Variants in MICAL2 observed in about 807,000 individuals in gnomAD.
The protein encoded by MICAL2 is [F-actin]-monooxygenase MICAL2.
A neutral mutation model predicts 127.3 loss-of-function variants in MICAL2; 77 were observed. The ratio of observed to expected loss-of-function variants is 0.60; its 90% CI spans 0.50 to 0.73. MICAL2 has a LOEUF of 0.73. Among genes scored for constraint, MICAL2 ranks in the 30% least tolerant of loss-of-function variants. MICAL2 has a pLI of 0.00. For missense variants in MICAL2, 1,351 were observed against 1,434.4 expected, an observed-to-expected ratio of 0.94 and a Z score of 0.94; for synonymous variants, 570 against 551.1, an observed-to-expected ratio of 1.03 and a Z score of -0.48.
intron 3 of MICAL2, among the ~76,000 whole-genome samples, chr11:12,192,638 T>G (rs978353525): frequency 5.9e-5 from 9 of 151,762 alleles, no homozygotes; most frequent in African/African-American, 2.2e-4. Flanking sequence ...ATTACCCAGG[T>G]GCGATGATGG....
chr11:12,140,444 C>A (rs1041427252), intron 2 of MICAL2, among the ~76,000 whole-genome samples: 1 of 151,938 alleles, frequency 6.6e-6, no homozygotes, highest in Non-Finnish European at 1.5e-5. Context: ...CTCTGGAGGG[C>A]CTGAGACCTA....
chr11:12,129,715 T>TTTA (rs1475945739), intron 1 of MICAL2, among the ~76,000 whole-genome samples: 1 of 150,724 alleles, frequency 6.6e-6, no homozygotes, highest in East Asian at 2.0e-4. Context: ...TTATGATTCA[T>TTTA]TTATTTATAT....
intron 3 of MICAL2, among the ~76,000 whole-genome samples, chr11:12,182,226 GA>G (rs1328176803): frequency 7.2e-5 from 11 of 152,198 alleles, no homozygotes; most frequent in Admixed American, 7.2e-4. Context: ...TCAAGTTACT[GA>G]GATGGTTTGT....
At chr11:12,282,170 T>G (rs749948254) in intron 2 of MICAL2, among the ~76,000 whole-genome samples, 1 of 152,220 alleles carries the variant, frequency 6.6e-6, no homozygotes, top group South Asian at 2.1e-4. Flanking sequence ...ACTCTAGAAA[T>G]GTTGAATTTT....
Position 12,220,247 on chromosome 11 carries a change from A to G in MICAL2, c.995A>G (p.Gln332Arg). The change falls in exon 9 of 28, where the codon CAA (glutamine) becomes CGA (arginine). Residue 332 changes from glutamine (Q) to arginine (R), a missense_variant. By Grantham distance (43) the Gln-to-Arg change is conservative. Coordinates refer to ENST00000683283, the MANE Select transcript of MICAL2 (RefSeq NM_001282663.2). ...CTGCTGTGTGCGGAGAACGTGAACCAAGACAACCTGCTATCCTATGCCCGG... is the reference window on the plus strand; with the variant it reads ...CTGCTGTGTGCGGAGAACGTGAACCGAGACAACCTGCTATCCTATGCCCGG... Reference protein sequence around the residue: ...EMLLCAENVNQDNLLSYAREA... With the variant: ...EMLLCAENVNRDNLLSYAREA... 1 of 1,614,206 alleles carries G rather than the reference A, an allele frequency of 6.2e-7. No individual in the cohort carries two copies. Among genetic ancestry groups the G allele is most frequent in the Non-Finnish European group, 8.5e-7 (1 of 1,180,034 alleles).
chr11:12,126,442 G>A (rs1850926574), intron 1 of MICAL2, among the ~76,000 whole-genome samples: 1 of 152,148 alleles, frequency 6.6e-6, no homozygotes, highest in South Asian at 2.1e-4. Context: ...ATAGGCCCAT[G>A]GTGAGGTTTG....
intron 7 of MICAL2, among the ~76,000 whole-genome samples, chr11:12,215,619 T>A (rs1456198181): frequency 6.6e-6 from 1 of 152,212 alleles, no homozygotes; most frequent in Non-Finnish European, 1.5e-5. Context: ...GGAGCTAAGC[T>A]CTCATTGCAC....
chr11:12,242,575 C>A, intron 19 of MICAL2, 96 bp from the exon 20 acceptor site: 1 of 1,428,000 alleles, frequency 7.0e-7, no homozygotes, highest in Non-Finnish European at 9.8e-7. Context: ...GCAGGCAAGG[C>A]CCCCGGCTGC....
intron 3 of MICAL2, among the ~76,000 whole-genome samples, chr11:12,181,088 C>G (rs1038889420): frequency 1.3e-5 from 2 of 151,908 alleles, no homozygotes; most frequent in East Asian, 3.9e-4. Context: ...GGATTATAGG[C>G]ACCTGCCACC....
At chr11:12,235,448 A>T (rs1396074900) in intron 15 of MICAL2, among the ~76,000 whole-genome samples, 3 of 152,188 alleles carry the variant, frequency 2.0e-5, no homozygotes, top group Non-Finnish European at 2.9e-5. Context: ...GAGACTTCTG[A>T]GAGTGAAGGG....
intron 1 of MICAL2, among the ~76,000 whole-genome samples, chr11:12,280,358 T>A (rs1863759571): frequency 6.6e-6 from 1 of 152,188 alleles, no homozygotes; most frequent in Non-Finnish European, 1.5e-5. Flanking sequence ...GCTGGGCCCC[T>A]TCTGCTCTGA....
chr11:12,174,508 A>G (rs1856624315), intron 3 of MICAL2, among the ~76,000 whole-genome samples: 1 of 152,170 alleles, frequency 6.6e-6, no homozygotes, highest in African/African-American at 2.4e-5. Context: ...GACATATGCC[A>G]GAATTTCCTT....
intron 22 of MICAL2, among the ~76,000 whole-genome samples, chr11:12,249,594 T>C (rs1299497290): frequency 6.6e-6 from 1 of 152,228 alleles, no homozygotes; most frequent in East Asian, 1.9e-4. Flanking sequence ...AGGATGTCCT[T>C]GCCCAAGTGG....
chr11:12,324,409 G>A (rs4536191), intron 31 of MICAL2, among the ~76,000 whole-genome samples: 129,597 of 152,212 alleles, frequency 0.85, 55,412 homozygotes, highest in Admixed American at 0.89. Flanking sequence ...CTTCTGTGAG[G>A]ACACAAATCT....
intron 29 of MICAL2, among the ~76,000 whole-genome samples, chr11:12,318,816 C>A (rs1269476151): frequency 6.6e-6 from 1 of 152,110 alleles, no homozygotes; most frequent in Non-Finnish European, 1.5e-5. Context: ...ACCTGGAAGA[C>A]CTTATCACAC....
intron 3 of MICAL2, among the ~76,000 whole-genome samples, chr11:12,178,462 A>C: frequency 7.0e-6 from 1 of 142,978 alleles, no homozygotes; most frequent in Non-Finnish European, 1.5e-5. Flanking sequence ...CATGTAAGGT[A>C]TGGGGGTGGG....
intron 11 of MICAL2, 97 bp from the exon 12 acceptor site, chr11:12,223,314 G>A (rs575400346): frequency 9.6e-7 from 1 of 1,040,516 alleles, no homozygotes. Context: ...GAGGAAAATG[G>A]TGGCAGGCAC....
chr11:12,168,078 G>A (rs1000586976), intron 3 of MICAL2, among the ~76,000 whole-genome samples: 1 of 151,754 alleles, frequency 6.6e-6, no homozygotes, highest in Non-Finnish European at 1.5e-5. Flanking sequence ...AAGCTGGGAG[G>A]AATGCTCAGG....
At chr11:12,149,974 A>T (rs942934558) in intron 2 of MICAL2, among the ~76,000 whole-genome samples, 4 of 152,180 alleles carry the variant, frequency 2.6e-5, no homozygotes, top group African/African-American at 9.6e-5. Context: ...AGGCCCCATA[A>T]GTGGCGGTTG....
Sources: allele counts gnomAD v4.1 joint callset (sites outside exome capture counted in the v4.1 genomes callset), GRCh38; gene constraint gnomAD v4.1.1; transcripts MANE v1.5; gene names NCBI Gene and HGNC (gene_info 2026-07-23, HGNC 2026-07-21).